NRXN3: variants seen among roughly 807,000 people sequenced by gnomAD.
The protein encoded by NRXN3 is neurexin 3.
NRXN3 carries 32 observed loss-of-function variants against 137.6 expected under a neutral mutation model. The observed-to-expected ratio is 0.23, with a 90% CI of 0.18 to 0.31. The LOEUF is 0.31. Ranked by LOEUF, NRXN3 falls within the 10% of genes least tolerant of loss-of-function variation. The probability of loss-of-function intolerance (pLI) is 1.00; values close to 1 mark genes in which losing one functional copy is unlikely to be tolerated. For missense variants in NRXN3, 1,574 were observed against 2,062.5 expected (o/e 0.76, Z 4.59); for synonymous variants, 798 against 784.5 (o/e 1.02, Z -0.29).
intron 18 of NRXN3, among the ~76,000 whole-genome samples, chr14:79,693,744 G>T (rs575723848): frequency 1.3e-5 from 2 of 151,616 alleles, no homozygotes; most frequent in African/African-American, 2.4e-5. Flanking sequence ...TCACATAAAA[G>T]GTGCTTTCAA....
Position 78,589,466 on chromosome 14 carries a change from C to G in NRXN3, c.758-55654C>G, listed in dbSNP as rs1256586371. Among the ~76,000 whole-genome samples, 5 of 152,302 alleles carry G rather than the reference C, an allele frequency of 3.3e-5. No individual in the cohort carries two copies. In the East Asian group the frequency reaches 9.6e-4, roughly 29 times the overall value. On this transcript the variant is annotated intron_variant, in intron 4 of 20. Transcript: ENST00000335750. ...ACTTGCTGCCTATGCCAATCCTATC[C>G]CCTCTTCAAAGCCCAGTTTAAGTCT...
At chr14:79,700,218 G>A (rs2098749838) in intron 19 of NRXN3, among the ~76,000 whole-genome samples, 1 of 151,932 alleles carries the variant, frequency 6.6e-6, no homozygotes, top group Admixed American at 6.6e-5. Flanking sequence ...AGGTAAGGAA[G>A]GTCAGTCCCA....
At chr14:78,418,609 G>A (rs1022442167) in intron 4 of NRXN3, among the ~76,000 whole-genome samples, 10 of 152,106 alleles carry the variant, frequency 6.6e-5, no homozygotes, top group African/African-American at 2.4e-4. Flanking sequence ...AAGGAAACAA[G>A]GCAAATACAG....
chr14:78,273,388 A>G (rs1183591014), intron 2 of NRXN3, among the ~76,000 whole-genome samples: 2 of 152,234 alleles, frequency 1.3e-5, no homozygotes, highest in African/African-American at 4.8e-5. Context: ...CCCTCAGTCA[A>G]TGTCAGCTGG....
At chr14:79,295,398 A>T (rs1003242880) in intron 15 of NRXN3, among the ~76,000 whole-genome samples, 7 of 152,210 alleles carry the variant, frequency 4.6e-5, no homozygotes, top group East Asian at 1.9e-4. Context: ...GAAAAAATTT[A>T]AAAAAATAAA....
At chr14:79,599,372 GA>G (rs1187428028) in intron 16 of NRXN3, among the ~76,000 whole-genome samples, 1 of 152,022 alleles carries the variant, frequency 6.6e-6, no homozygotes, top group Non-Finnish European at 1.5e-5. Flanking sequence ...CTCTTGTAAG[GA>G]AAAAAATTAA....
intron 14 of NRXN3, among the ~76,000 whole-genome samples, chr14:78,983,082 T>C (rs576885941): frequency 6.6e-6 from 1 of 152,162 alleles, no homozygotes; most frequent in African/African-American, 2.4e-5. Context: ...GAAACCATGA[T>C]GAGATATCAC....
chr14:78,957,498 G>T, intron 11 of NRXN3, 137 bp downstream of exon 11: 2 of 1,019,460 alleles, frequency 2.0e-6, no homozygotes, highest in Admixed American at 5.4e-5. Context: ...GACAAACTCA[G>T]GCAAGGCTAA....
At chr14:79,788,643 G>A (rs1479695404) in intron 19 of NRXN3, among the ~76,000 whole-genome samples, 1 of 152,186 alleles carries the variant, frequency 6.6e-6, no homozygotes, top group Non-Finnish European at 1.5e-5. Flanking sequence ...CATGTTTTCT[G>A]ACTCAAAACA....
chr14:78,775,220 C>T (rs2098741131), intron 8 of NRXN3, among the ~76,000 whole-genome samples: 3 of 152,122 alleles, frequency 2.0e-5, no homozygotes. Flanking sequence ...TGTTTAAGAG[C>T]TTTTTACAAT....
At chr14:78,638,534 A>C (rs2097585602) in intron 4 of NRXN3, among the ~76,000 whole-genome samples, 1 of 152,168 alleles carries the variant, frequency 6.6e-6, no homozygotes, top group African/African-American at 2.4e-5. Context: ...TTCCTCCCTA[A>C]ATTCTAGCAG....
intron 15 of NRXN3, among the ~76,000 whole-genome samples, chr14:79,135,523 T>G (rs540921450): frequency 1.9e-4 from 29 of 152,272 alleles, no homozygotes; most frequent in Non-Finnish European, 3.2e-4. Flanking sequence ...TCAAGCTGAC[T>G]TTGATGTGAA....
At chr14:78,882,683 G>A (rs2152658781) in intron 10 of NRXN3, among the ~76,000 whole-genome samples, 1 of 151,750 alleles carries the variant, frequency 6.6e-6, no homozygotes, top group Admixed American at 6.5e-5. Flanking sequence ...AGTCTCATAG[G>A]TGGAAAGGAC....
intron 10 of NRXN3, among the ~76,000 whole-genome samples, chr14:78,941,352 G>A (rs1294506605): frequency 1.3e-5 from 2 of 152,150 alleles, no homozygotes; most frequent in South Asian, 2.1e-4. Context: ...CCCTCCTCCA[G>A]TGGCATGATC....
intron 15 of NRXN3, among the ~76,000 whole-genome samples, chr14:79,074,340 A>T (rs141208899): frequency 5.9e-4 from 90 of 152,342 alleles, no homozygotes; most frequent in Admixed American, 1.2e-3. Context: ...ATTTCTCTAT[A>T]TGAAAGGTAT....
chr14:79,591,108 CCAA>C (rs761599080), intron 16 of NRXN3, among the ~76,000 whole-genome samples: 4 of 152,158 alleles, frequency 2.6e-5, no homozygotes, highest in African/African-American at 4.8e-5. Context: ...GTACTGTCAA[CCAA>C]CAAGAGCTTT....
chr14:78,296,268 G>A (rs573705783), intron 3 of NRXN3, among the ~76,000 whole-genome samples: 1 of 151,954 alleles, frequency 6.6e-6, no homozygotes, highest in Non-Finnish European at 1.5e-5. Context: ...GTTTCACTAT[G>A]TTGCCCAGGC....
intron 4 of NRXN3, among the ~76,000 whole-genome samples, chr14:78,484,418 G>A (rs541080145): frequency 1.3e-5 from 2 of 152,266 alleles, no homozygotes; most frequent in African/African-American, 4.8e-5. Context: ...AGGTTTCAGG[G>A]GCTGAGTCAG....
chr14:78,703,486 T>C (rs2098311628), intron 6 of NRXN3: 1 of 152,242 alleles, frequency 6.6e-6, no homozygotes, highest in Admixed American at 6.5e-5. Flanking sequence ...AGAAGCTGTA[T>C]CATCCTGGAA....
Sources: allele counts gnomAD v4.1 joint callset (sites outside exome capture counted in the v4.1 genomes callset), GRCh38; gene constraint gnomAD v4.1.1; transcripts MANE v1.5; gene names NCBI Gene and HGNC (gene_info 2026-07-23, HGNC 2026-07-21).